Variants in GNAQ observed in about 807,000 individuals in gnomAD.
The protein encoded by GNAQ is guanine nucleotide-binding protein G(q) subunit alpha.
GNAQ carries 8 observed loss-of-function variants against 43.9 expected under a neutral mutation model. The observed-to-expected ratio is 0.18, with a 90% confidence interval of 0.11 to 0.33. The LOEUF is 0.33. Ranked by LOEUF, GNAQ falls within the 10% of genes least tolerant of loss-of-function variation. The pLI is 1.00. For synonymous variants in GNAQ, 155 were observed against 170.7 expected, an observed-to-expected ratio of 0.91 and a Z score of 0.71; for missense variants, 158 against 450.8, an observed-to-expected ratio of 0.35 and a Z score of 5.88.
At chr9:77,915,894 G>A (rs1012702870) in intron 2 of GNAQ, among the ~76,000 whole-genome samples, 13 of 152,164 alleles carry the variant, frequency 8.5e-5, no homozygotes, top group African/African-American at 2.9e-4. Flanking sequence ...TGTGTAATTT[G>A]TAACACCATC....
chr9:77,903,142 C>T (rs1828639544), intron 2 of GNAQ, among the ~76,000 whole-genome samples: 2 of 151,912 alleles, frequency 1.3e-5, no homozygotes, highest in South Asian at 4.2e-4. Flanking sequence ...AGAGGTCAGC[C>T]CAGAATGGCA....
chr9:78,011,844 T>C (rs936178031), intron 1 of GNAQ, among the ~76,000 whole-genome samples: 6 of 152,102 alleles, frequency 3.9e-5, no homozygotes, highest in East Asian at 1.9e-4. Flanking sequence ...TTATGAATGA[T>C]TGGTGTACCT....
intron 1 of GNAQ, among the ~76,000 whole-genome samples, chr9:77,928,336 G>A (rs971399468): frequency 3.9e-5 from 6 of 152,140 alleles, no homozygotes; most frequent in African/African-American, 1.2e-4. Flanking sequence ...CAGCATGGTC[G>A]TGCAGAAGAT....
chr9:77,935,412 A>G (rs1191101870), intron 1 of GNAQ, among the ~76,000 whole-genome samples: 1 of 152,206 alleles, frequency 6.6e-6, no homozygotes, highest in Non-Finnish European at 1.5e-5. Flanking sequence ...TGCATTAGGA[A>G]ATCAGTTGGG....
At chr9:77,939,646 A>G in intron 1 of GNAQ, among the ~76,000 whole-genome samples, 1 of 152,252 alleles carries the variant, frequency 6.6e-6, no homozygotes, top group South Asian at 2.1e-4. Context: ...GTCAATAGCC[A>G]TAACAGATAA....
intron 1 of GNAQ, among the ~76,000 whole-genome samples, chr9:77,934,296 A>G (rs1327486999): frequency 6.6e-6 from 1 of 152,170 alleles, no homozygotes; most frequent in Non-Finnish European, 1.5e-5. Flanking sequence ...CTATATTGTT[A>G]AACAGCATTA....
chr9:77,810,841 AT>A (rs1400252851), intron 3 of GNAQ, among the ~76,000 whole-genome samples: 2 of 152,240 alleles, frequency 1.3e-5, no homozygotes, highest in Non-Finnish European at 2.9e-5. Flanking sequence ...TAAAAGAGAT[AT>A]GTACACAGTG....
At chr9:77,945,103 C>T (rs1159081600) in intron 1 of GNAQ, among the ~76,000 whole-genome samples, 1 of 152,156 alleles carries the variant, frequency 6.6e-6, no homozygotes, top group Non-Finnish European at 1.5e-5. Flanking sequence ...ATATCAGGCA[C>T]ACCCATACTC....
At chr9:77,755,763 A>C (rs1825892815) in intron 5 of GNAQ, among the ~76,000 whole-genome samples, 1 of 152,112 alleles carries the variant, frequency 6.6e-6, no homozygotes. Context: ...CATAATTATG[A>C]CCTTATTATT....
chr9:77,897,063 ACTC>A (rs1828515982), intron 2 of GNAQ, among the ~76,000 whole-genome samples: 1 of 152,156 alleles, frequency 6.6e-6, no homozygotes, highest in African/African-American at 2.4e-5. Flanking sequence ...ACTGGTAGGA[ACTC>A]TGCCAACCCG....
chr9:77,773,902 C>A (rs1348938397), intron 5 of GNAQ, among the ~76,000 whole-genome samples: 1 of 152,022 alleles, frequency 6.6e-6, no homozygotes, highest in Admixed American at 6.6e-5. Flanking sequence ...GGTGTCCCAA[C>A]CAAAGTGATA....
intron 5 of GNAQ, among the ~76,000 whole-genome samples, chr9:77,786,754 G>T (rs997550407): frequency 6.6e-6 from 1 of 152,168 alleles, no homozygotes; most frequent in Non-Finnish European, 1.5e-5. Context: ...CTCATTTATT[G>T]TGGAAAAATA....
chr9:78,021,182 C>T (rs946571485), intron 1 of GNAQ, among the ~76,000 whole-genome samples: 3 of 151,840 alleles, frequency 2.0e-5, no homozygotes, highest in African/African-American at 4.8e-5. Context: ...TGGGCACCCA[C>T]GCCCAGCTAA....
At chr9:77,887,414 AG>A (rs1450120210) in intron 2 of GNAQ, among the ~76,000 whole-genome samples, 2 of 152,246 alleles carry the variant, frequency 1.3e-5, no homozygotes, top group African/African-American at 4.8e-5. Flanking sequence ...CATTTATCAA[AG>A]AAAATAAGGA....
intron 5 of GNAQ, among the ~76,000 whole-genome samples, chr9:77,740,507 TAAG>T (rs1825636852): frequency 6.6e-6 from 1 of 152,010 alleles, no homozygotes; most frequent in African/African-American, 2.4e-5. Flanking sequence ...GATCAAATGA[TAAG>T]AAAGCAGGTG....
At chr9:77,941,501 G>A (rs1161283279) in intron 1 of GNAQ, among the ~76,000 whole-genome samples, 3 of 152,036 alleles carry the variant, frequency 2.0e-5, no homozygotes, top group South Asian at 2.1e-4. Context: ...CGCCTGCCTC[G>A]GCCTCCCAAA....
At chr9:77,975,666 A>G (rs1823291925) in intron 1 of GNAQ, among the ~76,000 whole-genome samples, 1 of 150,732 alleles carries the variant, frequency 6.6e-6, no homozygotes, top group Non-Finnish European at 1.5e-5. Flanking sequence ...CAGCTTCCCG[A>G]GTAGTTGGGA....
intron 2 of GNAQ, among the ~76,000 whole-genome samples, chr9:77,819,781 G>GAAA (rs5898560): frequency 2.2e-4 from 31 of 140,984 alleles, no homozygotes; most frequent in Admixed American, 1.1e-3. Context: ...ATGGACTGTG[G>GAAA]AAAAAAAAAA....
intron 5 of GNAQ, among the ~76,000 whole-genome samples, chr9:77,791,078 A>ACG (rs1826563625): frequency 6.6e-6 from 1 of 152,204 alleles, no homozygotes; most frequent in Non-Finnish European, 1.5e-5. Flanking sequence ...AACTATCTTG[A>ACG]CGTTTTAATA....
Sources: gnomAD v4.1 joint callset for allele counts (sites outside exome capture counted in the v4.1 genomes callset) on GRCh38, gnomAD v4.1.1 for gene constraint, MANE v1.5 for transcripts, NCBI Gene and HGNC (gene_info 2026-07-23, HGNC 2026-07-21) for gene names.